Variants in PKP1 observed in about 807,000 individuals in gnomAD.
PKP1 encodes plakophilin-1.
In PKP1, 27 loss-of-function variants were observed where a neutral mutation model predicts 76.4. The observed-to-expected ratio is 0.35, with a 90% confidence interval of 0.26 to 0.49. The LOEUF is 0.49. Ranked by LOEUF, PKP1 falls within the 20% of genes least tolerant of loss-of-function variation. The pLI is 0.99. For missense variants in PKP1, 964 were observed against 955.2 expected, an observed-to-expected ratio of 1.01 and a Z score of -0.12; for synonymous variants, 404 against 384.2, an observed-to-expected ratio of 1.05 and a Z score of -0.60.
chr1:201,303,405 G>A (rs2102163627), intron 2 of PKP1, among the ~76,000 whole-genome samples: 1 of 152,308 alleles, frequency 6.6e-6, no homozygotes, highest in East Asian at 1.9e-4. Flanking sequence ...TGGAACTACA[G>A]GCATGTGCCA....
At chr1:201,287,761 C>T (rs959388678) in intron 1 of PKP1, among the ~76,000 whole-genome samples, 1 of 152,308 alleles carries the variant, frequency 6.6e-6, no homozygotes, top group Non-Finnish European at 1.5e-5. Flanking sequence ...ATTCCTCCCC[C>T]GACCCCATAC....
intron 2 of PKP1, among the ~76,000 whole-genome samples, chr1:201,296,260 G>T (rs142250896): frequency 6.6e-6 from 1 of 152,230 alleles, no homozygotes; most frequent in South Asian, 2.1e-4. Flanking sequence ...CATATAATCA[G>T]ATGAAACCTG....
intron 1 of PKP1, among the ~76,000 whole-genome samples, chr1:201,292,653 A>T (rs1286644807): frequency 6.6e-6 from 1 of 152,168 alleles, no homozygotes; most frequent in Non-Finnish European, 1.5e-5. Context: ...GGTGTGGCAG[A>T]TGGGGAGGAG....
chr1:201,306,272 A>G (rs993710642), intron 2 of PKP1, among the ~76,000 whole-genome samples: 1 of 152,260 alleles, frequency 6.6e-6, no homozygotes, highest in African/African-American at 2.4e-5. Flanking sequence ...GAGCTGATGC[A>G]GGAGCTGGCA....
intron 2 of PKP1, among the ~76,000 whole-genome samples, chr1:201,299,366 C>T (rs1656159606): frequency 6.6e-6 from 1 of 152,188 alleles, no homozygotes; most frequent in Non-Finnish European, 1.5e-5. Context: ...ATGTGACATA[C>T]CAGATCAGCA....
At chr1:201,313,959 C>T (rs992943608) in intron 3 of PKP1, among the ~76,000 whole-genome samples, 22 of 152,218 alleles carry the variant, frequency 1.4e-4, no homozygotes, top group Non-Finnish European at 2.8e-4. Flanking sequence ...CCCAGCAATG[C>T]ATATATTAAC....
rs1657103300 is a variant in PKP1, at chr1:201,325,801, T to C, written c.2069T>C (p.Met690Thr). ...AEAARLLLSD[M>T]WSSKELQGVL... is the part of the protein sequence containing the mutation. ...GCTGCCCGGCTTCTCCTGTCTGACA[T>C]GTGGTCCAGCAAGGAACTGCAGGGT... The change falls in exon 12 of 14, where the codon ATG (methionine) becomes ACG (threonine). Residue 690 changes from methionine to threonine, a missense_variant. By Grantham distance (81) the Met-to-Thr change is moderately conservative. Transcript: ENST00000367324. The C allele has an allele frequency of 6.2e-7, 1 of 1,613,956 alleles. No individual in the cohort carries two copies. Among genetic ancestry groups the C allele is most frequent in the Non-Finnish European group, 8.5e-7 (1 of 1,179,910 alleles).
intron 11 of PKP1, among the ~76,000 whole-genome samples, 170 bp from the exon 12 acceptor site, chr1:201,325,584 G>A (rs1336727118): frequency 6.6e-6 from 1 of 152,104 alleles, no homozygotes; most frequent in African/African-American, 2.4e-5. Context: ...ACTGGGTAGG[G>A]TGACCAGGCT....
At chr1:201,329,572 C>T (rs886956836) in intron 13 of PKP1, among the ~76,000 whole-genome samples, 3 of 152,164 alleles carry the variant, frequency 2.0e-5, no homozygotes, top group African/African-American at 2.4e-5. Flanking sequence ...TAGAGAGGGG[C>T]CTCAGGGGCA....
Position 201,287,426 on chromosome 1 carries a change from G to C in PKP1, c.202+3522G>C, listed in dbSNP as rs557621004. On this transcript the variant is annotated intron_variant, in intron 1 of 13. Transcript: ENST00000367324. ...GCATGAGCTTCTGCCCGAGTGTTCTGCTCATTAGAGTTTCTAGAAAGTTGT... is the reference window on the plus strand; with the variant it reads ...GCATGAGCTTCTGCCCGAGTGTTCTCCTCATTAGAGTTTCTAGAAAGTTGT... Among the ~76,000 whole-genome samples the C allele has an allele frequency of 1.4e-4, 21 of 152,312 alleles. No homozygotes were observed. In the East Asian group the frequency reaches 3.9e-3, roughly 28 times the overall value.
intron 1 of PKP1, among the ~76,000 whole-genome samples, chr1:201,287,903 G>GTTAGAA (rs1655784269): frequency 6.6e-6 from 1 of 152,212 alleles, no homozygotes. Context: ...ATATCTTCAT[G>GTTAGAA]TGAAGTTCCT....
At chr1:201,319,825 G>T in intron 6 of PKP1, 1 of 1,613,938 alleles carries the variant, frequency 6.2e-7, no homozygotes, top group East Asian at 2.2e-5. Context: ...GAAAGAGACT[G>T]GGCATGCGGG....
rs200736537 is a variant in PKP1, at chr1:201,325,049, T to C, written c.1943T>C (p.Met648Thr). Residue 648 changes from methionine (M) to threonine (T), a missense_variant, in exon 11 of 14, where the codon ATG (methionine) becomes ACG (threonine). Transcript: ENST00000367324. The part of the protein sequence containing the change: ...SSACYTVRNL[M>T]ASQPQLAKQY... ...GCCTGCTACACTGTGAGGAACCTGA[T>C]GGCCTCGCAGCCACAACTGGCCAAG... 3 of 1,613,900 alleles carry C rather than the reference T, an allele frequency of 1.9e-6. No homozygotes were observed. The highest frequency in any genetic ancestry group is 4.5e-5 in the East Asian group (2 of 44,886).
At chr1:201,284,237 C>T (rs994634887) in intron 1 of PKP1, among the ~76,000 whole-genome samples, 2 of 152,128 alleles carry the variant, frequency 1.3e-5, no homozygotes, top group African/African-American at 4.8e-5. Context: ...TCCCTGAGCC[C>T]TGGGTCTGGA....
chr1:201,322,182 C>G lies in PKP1; in HGVS notation c.1503+49C>G, dbSNP rs116481281. 2,005 of 1,590,282 alleles carry G rather than the reference C, an allele frequency of 1.3e-3. 24 individuals carry two copies. In the African/African-American group the frequency reaches 0.023, roughly 18 times the overall value. Reference sequence around the variant, plus strand: ...GGGCCTGCCCCATCAAGCACCCCCCCAGGAGCCACTGCCTCATCTGCCCTT... The same window carrying G: ...GGGCCTGCCCCATCAAGCACCCCCCGAGGAGCCACTGCCTCATCTGCCCTT... On this transcript the variant is annotated intron_variant, in intron 8 of 13. Coordinates refer to ENST00000367324, the MANE Select transcript of PKP1 (RefSeq NM_001005337.3).
intron 7 of PKP1, 23 bp downstream of exon 7, chr1:201,320,404 C>T (rs1225205946): frequency 1.4e-6 from 2 of 1,479,088 alleles, no homozygotes; most frequent in Non-Finnish European, 1.9e-6. Flanking sequence ...CCTGGTGGCA[C>T]CCTGACCCCT....
chr1:201,302,626 A>G (rs974651583), intron 2 of PKP1, among the ~76,000 whole-genome samples: 1 of 152,110 alleles, frequency 6.6e-6, no homozygotes, highest in African/African-American at 2.4e-5. Flanking sequence ...GCATGTCTCT[A>G]CGGAAGCCTG....
At chr1:201,307,316 G>A (rs970041172) in intron 2 of PKP1, among the ~76,000 whole-genome samples, 10 of 152,310 alleles carry the variant, frequency 6.6e-5, no homozygotes, top group African/African-American at 2.2e-4. Flanking sequence ...AAAGAAAGGA[G>A]GGCCAGCCCA....
intron 1 of PKP1, among the ~76,000 whole-genome samples, chr1:201,291,542 T>G (rs1006983477): frequency 2.0e-5 from 3 of 152,054 alleles, no homozygotes; most frequent in Admixed American, 1.3e-4. Context: ...GAGAGCAGCA[T>G]CATGCTGACA....
Sources: allele counts gnomAD v4.1 joint callset (sites outside exome capture counted in the v4.1 genomes callset), GRCh38; gene constraint gnomAD v4.1.1; transcripts MANE v1.5; gene names NCBI Gene and HGNC (gene_info 2026-07-23, HGNC 2026-07-21).